The following EML6 variants were observed in gnomAD, a reference collection of about 807,000 sequenced individuals.
EML6 encodes echinoderm microtubule-associated protein-like 6.
In EML6, 154 loss-of-function variants were observed where a neutral mutation model predicts 240.1. The ratio of observed to expected loss-of-function variants is 0.64; its 90% CI spans 0.56 to 0.73. EML6 has a LOEUF of 0.73. Among genes scored for constraint, EML6 ranks in the 30% least tolerant of loss-of-function variants. The probability of loss-of-function intolerance (pLI) is 0.00; values close to 1 mark genes in which losing one functional copy is unlikely to be tolerated. For missense variants in EML6, 2,964 were observed against 2,474.6 expected (o/e 1.20, Z -4.20); for synonymous variants, 1,148 against 899.0 (o/e 1.28, Z -4.95).
At chr2:54,764,171 G>C (rs1558532693) in intron 2 of EML6, among the ~76,000 whole-genome samples, 2 of 152,224 alleles carry the variant, frequency 1.3e-5, no homozygotes, top group South Asian at 2.1e-4. Context: ...ATTTTAGAAA[G>C]GTTATAGACA....
chr2:54,950,577 G>A (rs1014162025), intron 29 of EML6, 73 bp from the exon 30 acceptor site: 48 of 1,506,038 alleles, frequency 3.2e-5, no homozygotes, highest in African/African-American at 8.3e-5. Flanking sequence ...GGCTGCTCAC[G>A]CAATGTGGGT....
chr2:54,907,874 CAGAT>C lies in EML6; in HGVS notation c.3410-3075_3410-3072del, dbSNP rs889305437. Among the ~76,000 whole-genome samples, 12 of 150,672 alleles carry C rather than the reference CAGAT, an allele frequency of 8.0e-5. No individual in the cohort carries two copies. In the South Asian group the frequency reaches 1.3e-3, roughly 16 times the overall value. On this transcript the variant is annotated intron_variant, in intron 24 of 41. Coordinates refer to ENST00000356458, the MANE Select transcript of EML6 (RefSeq NM_001039753.4). ...TCCTCAGAATATGTCAGTGGTGAGACAGATAGATTAGATAGATTAGATAGATTAG... is the reference window on the plus strand; with the variant it reads ...TCCTCAGAATATGTCAGTGGTGAGACAGATTAGATAGATTAGATAGATTAG...
chr2:54,790,269 C>T (rs1414029314), intron 2 of EML6, among the ~76,000 whole-genome samples: 1 of 152,164 alleles, frequency 6.6e-6, no homozygotes, highest in East Asian at 1.9e-4. Flanking sequence ...TCTATTTTCT[C>T]TCCCACTGTC....
chr2:54,938,570 T>G (rs191218144), intron 28 of EML6, among the ~76,000 whole-genome samples: 1 of 152,186 alleles, frequency 6.6e-6, no homozygotes, highest in East Asian at 1.9e-4. Context: ...AGAATCTGAG[T>G]ACATGCCTAC....
intron 7 of EML6, among the ~76,000 whole-genome samples, chr2:54,833,789 A>G (rs372776870): frequency 3.3e-5 from 5 of 152,228 alleles, no homozygotes; most frequent in African/African-American, 1.2e-4. Flanking sequence ...CAACAACACA[A>G]GATGATATAA....
At chr2:54,813,133 C>A (rs1667932594) in intron 2 of EML6, 99 bp from the exon 3 acceptor site, 1 of 835,860 alleles carries the variant, frequency 1.2e-6, no homozygotes, top group Non-Finnish European at 1.8e-6. Context: ...CTCTTGAGAT[C>A]ACCTTGTTAG....
At chr2:54,959,075 G>C (rs1270762585) in intron 33 of EML6, 29 bp from the exon 34 acceptor site, 2 of 1,537,550 alleles carry the variant, frequency 1.3e-6, no homozygotes, top group Non-Finnish European at 8.8e-7. Flanking sequence ...AGTGTGTTCC[G>C]GGTGTAGAAG....
chr2:54,919,148 A>G (rs1403649882), intron 26 of EML6, among the ~76,000 whole-genome samples: 1 of 152,110 alleles, frequency 6.6e-6, no homozygotes, highest in Non-Finnish European at 1.5e-5. Context: ...CGGTTTGAAG[A>G]ACATTCTCTT....
chr2:54,916,923 A>T lies in EML6; in HGVS notation c.3663A>T (p.Ser1221=), dbSNP rs577158067. 1.3e-6 allele frequency: 2 copies of T among 1,542,120 alleles called. No homozygotes were observed. Among genetic ancestry groups the T allele is most frequent in the South Asian group, 2.4e-5 (2 of 83,734 alleles). ...GDDFGFVKLF[S]YPVKGQHARF... ...ATTTTGGTTTCGTTAAGCTTTTTTCATATCCTGTCAAGGTAATATTGCGTG... is the reference window on the plus strand; with the variant it reads ...ATTTTGGTTTCGTTAAGCTTTTTTCTTATCCTGTCAAGGTAATATTGCGTG... Residue 1221 remains serine (S), a synonymous_variant, in exon 26 of 42, where the codon TCA becomes TCT. Coordinates refer to ENST00000356458, the MANE Select transcript of EML6 (RefSeq NM_001039753.4).
At chr2:54,867,215 A>C in intron 14 of EML6, 1 of 182,000 alleles carries the variant, frequency 5.5e-6, no homozygotes, top group Non-Finnish European at 1.1e-5. Flanking sequence ...CCTTTCCCCT[A>C]ATCCCCTGCT....
chr2:54,820,677 C>G (rs923272749), intron 5 of EML6, among the ~76,000 whole-genome samples: 1 of 152,100 alleles, frequency 6.6e-6, no homozygotes, highest in African/African-American at 2.4e-5. Context: ...GTGAAGTGCT[C>G]CGCAGGCAGC....
chr2:54,766,027 C>G (rs982832841), intron 2 of EML6, among the ~76,000 whole-genome samples: 15 of 152,132 alleles, frequency 9.9e-5, no homozygotes, highest in Middle Eastern at 3.2e-3. Context: ...TCCACCTCCT[C>G]CTCTCACACT....
At chr2:54,789,098 C>A (rs746973899) in intron 2 of EML6, among the ~76,000 whole-genome samples, 1 of 152,162 alleles carries the variant, frequency 6.6e-6, no homozygotes, top group Non-Finnish European at 1.5e-5. Flanking sequence ...TGCTTAATTC[C>A]TTCAGCACTT....
At chr2:54,911,791 C>G (rs556484681) in intron 25 of EML6, among the ~76,000 whole-genome samples, 48 of 152,306 alleles carry the variant, frequency 3.2e-4, no homozygotes, top group Non-Finnish European at 4.4e-4. Context: ...TGTATTGTAT[C>G]AAACTGTTTT....
Position 54,863,830 on chromosome 2 carries a change from G to C in EML6, c.1873G>C (p.Asp625His). The change falls in exon 13 of 42, where the codon GAT (aspartate) becomes CAT (histidine). Residue 625 changes from aspartate to histidine, a missense_variant. By Grantham distance (81) the Asp-to-His change is moderately conservative. Transcript: ENST00000356458. Reference sequence around the variant, plus strand: ...TGAAGAATCTGATTCAGATTTATCTGATGTGCCCGAACTGGACTCTGATAT... The same window carrying C: ...TGAAGAATCTGATTCAGATTTATCTCATGTGCCCGAACTGGACTCTGATAT... ...YSEESDSDLS[D>H]VPELDSDIEQ... is the part of the protein sequence containing the mutation. The C allele has an allele frequency of 1.3e-6, 2 of 1,549,658 alleles. No individual in the cohort carries two copies. The highest frequency in any genetic ancestry group is 1.7e-6 in the Non-Finnish European group (2 of 1,146,056).
chr2:54,786,865 T>G (rs1669123122), intron 2 of EML6, among the ~76,000 whole-genome samples: 1 of 152,222 alleles, frequency 6.6e-6, no homozygotes, highest in South Asian at 2.1e-4. Flanking sequence ...TGAAACTTGT[T>G]AAACATATAC....
At chr2:54,828,385 G>C (rs1163758166) in intron 6 of EML6, among the ~76,000 whole-genome samples, 2 of 152,142 alleles carry the variant, frequency 1.3e-5, no homozygotes, top group Admixed American at 6.5e-5. Flanking sequence ...CTACATTGTT[G>C]TATCTACAAA....
At chr2:54,937,278 C>CAA (rs148412435) in intron 28 of EML6, among the ~76,000 whole-genome samples, 111 of 140,610 alleles carry the variant, frequency 7.9e-4, no homozygotes, top group Admixed American at 2.3e-3. Flanking sequence ...AACTCTGTCT[C>CAA]AAAAAAAAAA....
intron 19 of EML6, among the ~76,000 whole-genome samples, chr2:54,892,878 C>A (rs1437604682): frequency 6.6e-6 from 1 of 152,114 alleles, no homozygotes; most frequent in Non-Finnish European, 1.5e-5. Context: ...TGCACTTTTT[C>A]CACACATGCT....
Sources: allele counts gnomAD v4.1 joint callset (sites outside exome capture counted in the v4.1 genomes callset), GRCh38; gene constraint gnomAD v4.1.1; transcripts MANE v1.5; gene names NCBI Gene and HGNC (gene_info 2026-07-23, HGNC 2026-07-21).